PCDHGB7: variants seen among roughly 807,000 people sequenced by gnomAD.
PCDHGB7 encodes protocadherin gamma subfamily B, 7.
A neutral mutation model predicts 61.4 loss-of-function variants in PCDHGB7; 37 were observed. The observed-to-expected ratio is 0.60, with a 90% CI of 0.46 to 0.79. The LOEUF (loss-of-function observed/expected upper bound fraction) is 0.79. PCDHGB7 is among the 30% of genes least tolerant of loss of function. The pLI is 0.00. For synonymous variants in PCDHGB7, 464 were observed against 503.5 expected (o/e 0.92, Z 1.05); for missense variants, 1,166 against 1,202.5 (o/e 0.97, Z 0.45).
At position 141,418,648 on chromosome 5, in the gene PCDHGB7, A is replaced by G. The variant is rs1387887578; in HGVS notation, c.789A>G (p.Arg263=). Reference sequence around the variant, plus strand: ...TGCCTCCAGGCACCTCCATCCTGAGAGTGAAGGCCACTGACCAGGACGAGG... The same window carrying G: ...TGCCTCCAGGCACCTCCATCCTGAGGGTGAAGGCCACTGACCAGGACGAGG... The part of the protein sequence containing the change: ...EDVPPGTSIL[R]VKATDQDEGI... Residue 263 remains arginine (R), a synonymous_variant, in exon 1 of 4, where the codon AGA becomes AGG. Transcript: ENST00000398594. 2 of 1,614,036 alleles carry G rather than the reference A, an allele frequency of 1.2e-6. No individual in the cohort carries two copies. Among genetic ancestry groups the G allele is most frequent in the Non-Finnish European group, 1.7e-6 (2 of 1,179,886 alleles).
intron 1 of PCDHGB7, among the ~76,000 whole-genome samples, chr5:141,460,478 A>G (rs989135238): frequency 6.6e-5 from 10 of 152,136 alleles, no homozygotes; most frequent in African/African-American, 2.4e-4. Context: ...GGAATATCCA[A>G]TTGTCTCTTT....
chr5:141,441,843 G>T, intron 1 of PCDHGB7: 1 of 356,176 alleles, frequency 2.8e-6, no homozygotes. Context: ...TCGCGCTCTT[G>T]GATATGGTGC....
chr5:141,439,226 G>A (rs1337835258), intron 1 of PCDHGB7, among the ~76,000 whole-genome samples: 1 of 151,442 alleles, frequency 6.6e-6, no homozygotes, highest in African/African-American at 2.4e-5. Flanking sequence ...AAAATTCTTA[G>A]AAGCTTCCTA....
At position 141,453,908 on chromosome 5, in the gene PCDHGB7, A is replaced by T. The variant is rs1198219869; in HGVS notation, c.2415+33634A>T. On this transcript the variant is annotated intron_variant, in intron 1 of 3. Transcript: ENST00000398594. ...CCAATCACATGACTTCTTTCAAAGT[A>T]TGTCAGTGATCAGTCACTGTGTGCC... Among the ~76,000 whole-genome samples, 4 of 152,242 alleles carry T rather than the reference A, an allele frequency of 2.6e-5. No homozygotes were observed. The East Asian group carries it at 5.8e-4, about 22-fold the overall frequency.
chr5:141,419,781 G>C lies in PCDHGB7; in HGVS notation c.1922G>C (p.Arg641Pro), dbSNP rs1331740421. ...ALGDKDSVRQ[R>P]LLVAVRDGGQ... ...GGTGACAAGGACTCGGTCCGCCAGC[G>C]CCTGCTAGTCGCTGTAAGAGATGGA... Residue 641 changes from arginine to proline, a missense_variant, in exon 1 of 4, where the codon CGC becomes CCC. Arg to Pro is a moderately radical substitution (Grantham distance 103). Coordinates refer to ENST00000398594, the MANE Select transcript of PCDHGB7 (RefSeq NM_018927.4). 1 of 1,614,032 alleles carries C rather than the reference G, an allele frequency of 6.2e-7. No individual in the cohort carries two copies.
chr5:141,491,381 C>A lies in PCDHGB7; in HGVS notation c.2416-3426C>A. On this transcript the variant is annotated intron_variant, in intron 1 of 3. Transcript: ENST00000398594. This position sits in a 1 kb window ranked among gnomAD's most constrained non-coding sequence, Gnocchi z 6.9. ...CTAGTCACCTTCACCTTTCTGTCAGCGAAGTGCCTTCAGGGAAACGCAGAC... is the reference window on the plus strand; with the variant it reads ...CTAGTCACCTTCACCTTTCTGTCAGAGAAGTGCCTTCAGGGAAACGCAGAC... 2 of 1,614,068 alleles carry A rather than the reference C, an allele frequency of 1.2e-6. No homozygotes were observed. The highest frequency in any genetic ancestry group is 1.7e-6 in the Non-Finnish European group (2 of 1,179,950).
chr5:141,509,051 A>G (rs1051961974), intron 3 of PCDHGB7, among the ~76,000 whole-genome samples: 1 of 152,166 alleles, frequency 6.6e-6, no homozygotes, highest in Admixed American at 6.5e-5. Context: ...CCCCGCCCCC[A>G]GAAAGCTCTC....
In PCDHGB7 at chr5:141,419,782, C is replaced by T. The variant is rs765128711; in HGVS notation, c.1923C>T (p.Arg641=). ...GTGACAAGGACTCGGTCCGCCAGCG[C>T]CTGCTAGTCGCTGTAAGAGATGGAG... is the stretch of plus-strand genomic sequence containing the variant. ...ALGDKDSVRQ[R]LLVAVRDGGQ... The change falls in exon 1 of 4, where the codon CGC becomes CGT. Residue 641 remains arginine (R), a synonymous_variant. Transcript: ENST00000398594. 5.6e-6 allele frequency: 9 copies of T among 1,614,058 alleles called. No homozygotes were observed. Among genetic ancestry groups the T allele is most frequent in the Non-Finnish European group, 7.6e-6 (9 of 1,179,886 alleles).
chr5:141,445,311 G>A (rs2098463310), intron 1 of PCDHGB7, among the ~76,000 whole-genome samples: 1 of 152,150 alleles, frequency 6.6e-6, no homozygotes, highest in East Asian at 1.9e-4. Flanking sequence ...CAGTTTGTAG[G>A]TTGAGAGAAC....
intron 1 of PCDHGB7, among the ~76,000 whole-genome samples, chr5:141,437,034 C>T (rs1282216386): frequency 1.3e-5 from 2 of 152,194 alleles, no homozygotes. Context: ...AAATGGATCA[C>T]CGAAACCAGA....
Position 141,431,067 on chromosome 5 carries a change from A to G in PCDHGB7, c.2415+10793A>G. The G allele has an allele frequency of 1.2e-6, 2 of 1,614,164 alleles. No homozygotes were observed. Among genetic ancestry groups the G allele is most frequent in the Non-Finnish European group, 1.7e-6 (2 of 1,179,976 alleles). Reference sequence around the variant, plus strand: ...CTCTGTATGGGGGCCATCAAGTGTCAATTAAATCTAGACATTCTGATGGAG... The same window carrying G: ...CTCTGTATGGGGGCCATCAAGTGTCGATTAAATCTAGACATTCTGATGGAG... On this transcript the variant is annotated intron_variant, in intron 1 of 3. Transcript: ENST00000398594. This position sits in a 1 kb window ranked among gnomAD's most constrained non-coding sequence, Gnocchi z 4.8.
rs113648128 is a variant in PCDHGB7, at chr5:141,491,811, C to T, written c.2416-2996C>T. ...CACTCCTCTCCGGCCGGCTTGGTCG[C>T]TGGCTGCGCTCCACCCGATTCTCGG... On this transcript the variant is annotated intron_variant, in intron 1 of 3. Transcript: ENST00000398594. The surrounding 1 kb of genome is among the most constrained non-coding windows in gnomAD (Gnocchi z 6.9). 6.7e-7 allele frequency: 1 copy of T among 1,487,262 alleles called. No homozygotes were observed. The highest frequency in any genetic ancestry group is 1.4e-5 in the African/African-American group (1 of 70,544). 92.1% of individuals were successfully genotyped at this position (1,487,262 alleles called of 1,614,324 possible).
chr5:141,475,938 G>T (rs756781296), intron 1 of PCDHGB7: 22 of 682,776 alleles, frequency 3.2e-5, no homozygotes, highest in African/African-American at 7.2e-5. Flanking sequence ...GCCCCTGCCC[G>T]TCCCCTTTCT....
At chr5:141,451,561 C>T (rs1412657561) in intron 1 of PCDHGB7, among the ~76,000 whole-genome samples, 2 of 152,096 alleles carry the variant, frequency 1.3e-5, no homozygotes, top group Non-Finnish European at 2.9e-5. Flanking sequence ...ATGAAAGCCA[C>T]AATCTTTTTA....
At chr5:141,443,131 A>C (rs1042010214) in intron 1 of PCDHGB7, among the ~76,000 whole-genome samples, 2 of 152,144 alleles carry the variant, frequency 1.3e-5, no homozygotes, top group African/African-American at 4.8e-5. Flanking sequence ...GATTAAGAAC[A>C]CTATCATAAG....
At chr5:141,444,864 A>G (rs1304165078) in intron 1 of PCDHGB7, among the ~76,000 whole-genome samples, 1 of 152,210 alleles carries the variant, frequency 6.6e-6, no homozygotes, top group African/African-American at 2.4e-5. Context: ...GTCTTACTAC[A>G]GGACAAAGCT....
chr5:141,450,702 G>T (rs1466981422), intron 1 of PCDHGB7, among the ~76,000 whole-genome samples: 6 of 152,026 alleles, frequency 3.9e-5, no homozygotes, highest in South Asian at 2.1e-4. Flanking sequence ...GCCCAGGATG[G>T]TCTCCAACTC....
chr5:141,508,721 G>A (rs1266581528), intron 3 of PCDHGB7, among the ~76,000 whole-genome samples: 1 of 151,930 alleles, frequency 6.6e-6, no homozygotes, highest in Non-Finnish European at 1.5e-5. Flanking sequence ...TCTGTGTGCA[G>A]GGAGACTACA....
At position 141,489,295 on chromosome 5, in the gene PCDHGB7, T is replaced by C. The variant is rs2099685128; in HGVS notation, c.2416-5512T>C. 1.3e-6 allele frequency: 2 copies of C among 1,581,054 alleles called. No individual in the cohort carries two copies. The highest frequency in any genetic ancestry group is 1.7e-5 in the Admixed American group (1 of 57,148). ...TGGGAAATGGCAAGTGCTGTGCATG[T>C]TGTCCTTGTGCTGCTGGGGCTGGGT... On this transcript the variant is annotated intron_variant, in intron 1 of 3. Transcript: ENST00000398594. The surrounding 1 kb of genome is among the most constrained non-coding windows in gnomAD (Gnocchi z 4.5).
Sources: allele counts gnomAD v4.1 joint callset (sites outside exome capture counted in the v4.1 genomes callset), GRCh38; gene constraint gnomAD v4.1.1; non-coding constraint Gnocchi (gnomAD v3.1); transcripts MANE v1.5; gene names NCBI Gene and HGNC (gene_info 2026-07-23, HGNC 2026-07-21).